Variants in IL6ST observed in about 807,000 individuals in gnomAD.
IL6ST encodes the protein interleukin-6 receptor subunit beta.
Under a neutral mutation model 91.3 loss-of-function variants are expected in IL6ST, and 24 were observed. The observed-to-expected ratio is 0.26, with a 90% CI of 0.19 to 0.37. The LOEUF is 0.37. IL6ST is among the 10% of genes least tolerant of loss of function. The pLI, the probability that IL6ST is intolerant of heterozygous loss-of-function variation, is 1.00. For synonymous variants in IL6ST, 351 were observed against 373.6 expected (o/e 0.94, Z 0.70); for missense variants, 914 against 1,078.5 (o/e 0.85, Z 2.14).
chr5:55,972,498 T>G (rs1753021167), intron 3 of IL6ST, among the ~76,000 whole-genome samples: 1 of 151,484 alleles, frequency 6.6e-6, no homozygotes, highest in African/African-American at 2.4e-5. Flanking sequence ...AGCGACAGAG[T>G]GAGATTCAGT....
At chr5:55,981,197 C>G (rs990560137) in intron 2 of IL6ST, among the ~76,000 whole-genome samples, 1 of 152,150 alleles carries the variant, frequency 6.6e-6, no homozygotes, top group Admixed American at 6.5e-5. Context: ...GTAATCTTTC[C>G]TAATTTTTAA....
intron 9 of IL6ST, among the ~76,000 whole-genome samples, chr5:55,956,925 C>T (rs746188028): frequency 2.2e-4 from 33 of 152,106 alleles, no homozygotes; most frequent in South Asian, 2.1e-4. Flanking sequence ...TTTGGGAGGC[C>T]GAGGCAGGCA....
intron 1 of IL6ST, among the ~76,000 whole-genome samples, chr5:55,986,205 G>C (rs1753960065): frequency 6.6e-6 from 1 of 152,146 alleles, no homozygotes; most frequent in African/African-American, 2.4e-5. Flanking sequence ...TGTTCAAAAA[G>C]GGATATTGAA....
intron 2 of IL6ST, among the ~76,000 whole-genome samples, chr5:55,977,935 G>A (rs1379645905): frequency 6.6e-6 from 1 of 152,002 alleles, no homozygotes; most frequent in Non-Finnish European, 1.5e-5. Flanking sequence ...GAAGGCAGGG[G>A]CTGCAGTGAG....
intron 1 of IL6ST, among the ~76,000 whole-genome samples, chr5:55,989,156 GA>G (rs34291578): frequency 0.034 from 3,812 of 113,662 alleles, 83 homozygotes; most frequent in Non-Finnish European, 0.051. Flanking sequence ...AAGTCTCGCA[GA>G]AAAAAAAAAA....
Position 55,994,560 on chromosome 5 carries a change from T to C in IL6ST, c.-104+224A>G, listed in dbSNP as rs554800681. Among the ~76,000 whole-genome samples, 79 of 151,494 alleles carry C rather than the reference T, an allele frequency of 5.2e-4. 1 individual carries two copies. In the South Asian group the frequency reaches 0.015, roughly 28 times the overall value. On this transcript the variant is annotated intron_variant, in intron 1 of 16. Coordinates refer to ENST00000381298, the MANE Select transcript of IL6ST (RefSeq NM_002184.4). ...GTGCGTGCGTGCGCCTGGGTGAAGT[T>C]TGTACTCAGGGCTGCGATAATCGAG...
intron 3 of IL6ST, among the ~76,000 whole-genome samples, chr5:55,975,951 A>G (rs1456625095): frequency 1.3e-5 from 2 of 151,510 alleles, no homozygotes; most frequent in East Asian, 1.9e-4. Context: ...TTTTAAAGTT[A>G]TTGTTAGTAT....
chr5:55,976,185 T>A, intron 3 of IL6ST, 30 bp downstream of exon 3: 3 of 1,235,868 alleles, frequency 2.4e-6, no homozygotes, highest in Non-Finnish European at 3.4e-6. Context: ...ATTTGTGAAG[T>A]TAGAAGATAG....
chr5:55,973,860 C>T (rs1163017068), intron 3 of IL6ST, among the ~76,000 whole-genome samples: 1 of 152,152 alleles, frequency 6.6e-6, no homozygotes, highest in Non-Finnish European at 1.5e-5. Flanking sequence ...TAGCAGAGGA[C>T]AGGACTACAA....
chr5:55,989,415 C>T (rs766397893), intron 1 of IL6ST, among the ~76,000 whole-genome samples: 1 of 152,138 alleles, frequency 6.6e-6, no homozygotes, highest in Non-Finnish European at 1.5e-5. Flanking sequence ...CACTCATGCA[C>T]GTGCACATGC....
At chr5:55,947,640 T>C (rs995017493) in intron 14 of IL6ST, 51 bp from the exon 15 acceptor site, 2 of 1,064,584 alleles carry the variant, frequency 1.9e-6, no homozygotes, top group African/African-American at 1.7e-5. Flanking sequence ...GAAATAATGT[T>C]GACATATGAA....
Position 55,947,585 on chromosome 5 carries a change from T to C in IL6ST, c.1845A>G (p.Gln615=), listed in dbSNP as rs2111640326. 2 of 1,202,818 alleles carry C rather than the reference T, an allele frequency of 1.7e-6. No individual in the cohort carries two copies. The highest frequency in any genetic ancestry group is 2.3e-6 in the Non-Finnish European group (2 of 865,830). 74.5% of individuals were successfully genotyped at this position (1,202,818 alleles called of 1,614,324 possible). A position where few individuals can be genotyped will look rare whatever the true frequency, so the allele number is the denominator to read the frequency against. Residue 615 remains glutamine, a synonymous_variant, in exon 15 of 17, where the codon CAA becomes CAG. Transcript: ENST00000381298. The part of the protein sequence containing the change: ...EFTFTTPKFA[Q]GEIEAIVVPV... ...GCACGACTATGGCTTCAATTTCTCC[T>C]TGAGCTTAAAAAAAAAAAAAAAAAA...
At chr5:55,974,789 A>G (rs1020258946) in intron 3 of IL6ST, among the ~76,000 whole-genome samples, 5 of 151,894 alleles carry the variant, frequency 3.3e-5, no homozygotes, top group Non-Finnish European at 5.9e-5. Context: ...CCTGGCCTCT[A>G]TATTAACTTC....
chr5:55,992,267 G>A (rs113414482), intron 1 of IL6ST, among the ~76,000 whole-genome samples: 10 of 152,284 alleles, frequency 6.6e-5, no homozygotes, highest in African/African-American at 1.7e-4. Flanking sequence ...AATTAAGGGT[G>A]GGTTTTTATA....
intron 1 of IL6ST, among the ~76,000 whole-genome samples, chr5:55,990,828 G>A (rs1016121451): frequency 1.3e-5 from 2 of 152,030 alleles, no homozygotes; most frequent in African/African-American, 4.8e-5. Context: ...CCATGTTGGT[G>A]TGCTGCACCC....
intron 1 of IL6ST, 137 bp from the exon 2 acceptor site, chr5:55,982,948 G>T: frequency 8.9e-6 from 3 of 335,732 alleles, no homozygotes; most frequent in Non-Finnish European, 1.1e-5. Flanking sequence ...CTGAGCTTCA[G>T]AATAAAATAA....
intron 10 of IL6ST, 103 bp from the exon 11 acceptor site, chr5:55,955,095 G>T: frequency 2.5e-6 from 2 of 801,192 alleles, no homozygotes; most frequent in Non-Finnish European, 2.0e-6. Flanking sequence ...AATTTTTGTA[G>T]CATATACTTC....
At chr5:55,968,102 C>T (rs926028404) in intron 5 of IL6ST, among the ~76,000 whole-genome samples, 174 bp downstream of exon 5, 3 of 152,104 alleles carry the variant, frequency 2.0e-5, no homozygotes, top group Non-Finnish European at 4.4e-5. Context: ...TGGGGGATTA[C>T]AGGCATGAGC....
intron 3 of IL6ST, among the ~76,000 whole-genome samples, chr5:55,973,959 T>G (rs1753115714): frequency 6.6e-6 from 1 of 152,088 alleles, no homozygotes; most frequent in African/African-American, 2.4e-5. Context: ...AAAATGAAAT[T>G]AGCAACAGAG....
Sources: gnomAD v4.1 joint callset for allele counts (sites outside exome capture counted in the v4.1 genomes callset) on GRCh38, gnomAD v4.1.1 for gene constraint, MANE v1.5 for transcripts, NCBI Gene and HGNC (gene_info 2026-07-23, HGNC 2026-07-21) for gene names.